Variants in FRMPD2 observed in about 807,000 individuals in gnomAD.
The protein encoded by FRMPD2 is FERM and PDZ domain-containing protein 2.
Under a neutral mutation model 140.1 loss-of-function variants are expected in FRMPD2, and 96 were observed. That is an observed-to-expected ratio of 0.69 (90% CI 0.58 to 0.81). FRMPD2 has a LOEUF of 0.81. Among genes scored for constraint, FRMPD2 ranks in the 40% least tolerant of loss-of-function variants. The pLI, the probability that FRMPD2 is intolerant of heterozygous loss-of-function variation, is 0.00. For synonymous variants in FRMPD2, 449 were observed against 547.6 expected (o/e 0.82, Z 2.52); for missense variants, 1,240 against 1,447.4 (o/e 0.86, Z 2.32).
intron 28 of FRMPD2, among the ~76,000 whole-genome samples, chr10:48,161,376 T>A (rs1485071444): frequency 1.3e-5 from 2 of 150,754 alleles, no homozygotes; most frequent in African/African-American, 4.9e-5. Context: ...AATAATGTGA[T>A]GTTTGATGCA....
At chr10:48,245,794 A>G (rs1207182507) in intron 3 of FRMPD2, among the ~76,000 whole-genome samples, 1 of 152,150 alleles carries the variant, frequency 6.6e-6, no homozygotes, top group African/African-American at 2.4e-5. Context: ...TATAACTGAC[A>G]AGGCACATTT....
chr10:48,193,003 CT>C, intron 15 of FRMPD2, 109 bp from the exon 16 acceptor site: 3 of 786,706 alleles, frequency 3.8e-6, no homozygotes, highest in Non-Finnish European at 6.4e-6. Context: ...CTCCTCCTTT[CT>C]TTTTCTGCTG....
intron 12 of FRMPD2, among the ~76,000 whole-genome samples, chr10:48,216,971 G>A (rs1403506607): frequency 6.6e-6 from 1 of 152,174 alleles, no homozygotes; most frequent in Non-Finnish European, 1.5e-5. Context: ...CAGTGACAGG[G>A]ATTGTCAAAA....
At chr10:48,183,923 G>T (rs1263610457) in intron 20 of FRMPD2, among the ~76,000 whole-genome samples, 1 of 149,494 alleles carries the variant, frequency 6.7e-6, no homozygotes, top group Non-Finnish European at 1.5e-5. Flanking sequence ...GAGAACCCAT[G>T]ATCACAAAGA....
intron 1 of FRMPD2, among the ~76,000 whole-genome samples, chr10:48,253,505 A>AT (rs568476774): frequency 6.6e-6 from 1 of 152,150 alleles, no homozygotes; most frequent in Non-Finnish European, 1.5e-5. Context: ...CACTTAATGC[A>AT]TTTTTTTCTA....
chr10:48,250,326 G>A (rs1291056431), intron 2 of FRMPD2, among the ~76,000 whole-genome samples: 3 of 152,174 alleles, frequency 2.0e-5, no homozygotes, highest in Non-Finnish European at 4.4e-5. Flanking sequence ...AACAGGGAAG[G>A]GGGCTTCCCT....
At chr10:48,159,208 T>G in intron 28 of FRMPD2, 1 of 455,926 alleles carries the variant, frequency 2.2e-6, no homozygotes, top group South Asian at 1.5e-5. Flanking sequence ...ACAACTGCAT[T>G]TAGTTTTGGC....
chr10:48,192,346 C>T (rs1445482521), intron 16 of FRMPD2, among the ~76,000 whole-genome samples: 1 of 152,084 alleles, frequency 6.6e-6, no homozygotes, highest in Non-Finnish European at 1.5e-5. Flanking sequence ...CTTTGGGAGG[C>T]CGAGGAGGGT....
chr10:48,186,420 A>C lies in FRMPD2; in HGVS notation c.2266+772T>G, dbSNP rs189215833. ...GAATTGTATCTCCCAGAATTCCTGC[A>C]TGCTGTGGGAGGGACCCAGGGGGAA... is the stretch of plus-strand genomic sequence containing the variant. On this transcript the variant is annotated intron_variant, in intron 17 of 28. Transcript: ENST00000374201. Among the ~76,000 whole-genome samples the C allele has an allele frequency of 1.8e-4, 28 of 152,318 alleles. No homozygotes were observed. The East Asian group carries it at 4.8e-3, about 26-fold the overall frequency.
chr10:48,210,427 G>A (rs10857548), intron 13 of FRMPD2, among the ~76,000 whole-genome samples: 5,905 of 152,210 alleles, frequency 0.039, 212 homozygotes, highest in East Asian at 0.2. Context: ...ATTTTTCATC[G>A]TTCAACCAGG....
chr10:48,218,217 T>G (rs1460487690), intron 12 of FRMPD2, among the ~76,000 whole-genome samples: 1 of 152,190 alleles, frequency 6.6e-6, no homozygotes, highest in Admixed American at 6.5e-5. Flanking sequence ...TCATCTCAAA[T>G]TAATCACCTT....
At chr10:48,194,032 G>T (rs965303821) in intron 15 of FRMPD2, among the ~76,000 whole-genome samples, 1 of 152,196 alleles carries the variant, frequency 6.6e-6, no homozygotes, top group African/African-American at 2.4e-5. Context: ...TGCAGCTTTT[G>T]CACAAATTGC....
chr10:48,185,566 T>C lies in FRMPD2; in HGVS notation c.2346A>G (p.Pro782=), dbSNP rs770143789. ...EIVRVTLKRD[P]HRGFGFVINE... ...GAGCCCTCTTACCAAAACCACGATG[T>C]GGGTCACGTTTCAGTGTCACACGTA... is the stretch of plus-strand genomic sequence containing the variant. Residue 782 remains proline, a synonymous_variant, in exon 18 of 29, where the codon CCA becomes CCG. Transcript: ENST00000374201. 14 of 1,613,792 alleles carry C rather than the reference T, an allele frequency of 8.7e-6. No homozygotes were observed. Among genetic ancestry groups the C allele is most frequent in the African/African-American group, 1.3e-5 (1 of 74,908 alleles).
At chr10:48,207,012 A>C (rs577316037) in intron 13 of FRMPD2, 79 bp from the exon 14 acceptor site, 1 of 1,270,020 alleles carries the variant, frequency 7.9e-7, no homozygotes, top group African/African-American at 1.5e-5. Flanking sequence ...CACTCCATGC[A>C]AAACACACTG....
intron 13 of FRMPD2, among the ~76,000 whole-genome samples, chr10:48,208,634 T>A (rs1839252199): frequency 5.9e-5 from 9 of 152,234 alleles, no homozygotes; most frequent in Admixed American, 5.9e-4. Context: ...ACACTTAATG[T>A]TGTCAATGAC....
intron 9 of FRMPD2, among the ~76,000 whole-genome samples, chr10:48,233,320 C>A (rs1564433803): frequency 6.6e-6 from 1 of 152,222 alleles, no homozygotes; most frequent in Non-Finnish European, 1.5e-5. Context: ...TACTCCATGC[C>A]ACCTTGGTTC....
chr10:48,221,978 T>TGGATGGA (rs1554796572), intron 12 of FRMPD2, among the ~76,000 whole-genome samples: 1 of 136,280 alleles, frequency 7.3e-6, no homozygotes, highest in Non-Finnish European at 1.6e-5. Flanking sequence ...GGATGGATGG[T>TGGATGGA]TGGATGGATG....
chr10:48,221,833 G>A (rs1397364315), intron 12 of FRMPD2, among the ~76,000 whole-genome samples: 1 of 152,104 alleles, frequency 6.6e-6, no homozygotes, highest in Non-Finnish European at 1.5e-5. Context: ...TGGGTGTGTG[G>A]GTGGCTGGGT....
chr10:48,163,907 T>C (rs1252598978), intron 27 of FRMPD2, among the ~76,000 whole-genome samples: 3 of 151,226 alleles, frequency 2.0e-5, no homozygotes, highest in Admixed American at 6.6e-5. Context: ...TATTTTTAAA[T>C]AAAAAATATT....
Sources: allele counts gnomAD v4.1 joint callset (sites outside exome capture counted in the v4.1 genomes callset), GRCh38; gene constraint gnomAD v4.1.1; transcripts MANE v1.5; gene names NCBI Gene and HGNC (gene_info 2026-07-23, HGNC 2026-07-21).